The following IGF1R variants were observed in gnomAD, a reference collection of about 807,000 sequenced individuals.
IGF1R encodes insulin like growth factor 1 receptor, also known as insulin-like growth factor 1 receptor.
IGF1R carries 44 observed loss-of-function variants against 144.6 expected under a neutral mutation model. The ratio of observed to expected loss-of-function variants is 0.30; its 90% CI spans 0.24 to 0.39. IGF1R has a LOEUF of 0.39. IGF1R is among the 10% of genes least tolerant of loss of function. The pLI is 1.00. For missense variants in IGF1R, 1,355 were observed against 1,833.7 expected (o/e 0.74, Z 4.77); for synonymous variants, 795 against 722.8 (o/e 1.10, Z -1.60).
chr15:98,768,310 AT>A (rs754640774), intron 2 of IGF1R, among the ~76,000 whole-genome samples: 61 of 152,144 alleles, frequency 4.0e-4, no homozygotes, highest in Non-Finnish European at 6.2e-4. Context: ...GAGGTATCAA[AT>A]TTTAAAGTAA....
chr15:98,691,463 A>G (rs2053475910), intron 1 of IGF1R, among the ~76,000 whole-genome samples: 1 of 151,338 alleles, frequency 6.6e-6, no homozygotes, highest in Non-Finnish European at 1.5e-5. Flanking sequence ...TCCCAGGTTC[A>G]AGCAATTCTC....
chr15:98,800,245 C>T (rs1172906932), intron 2 of IGF1R, among the ~76,000 whole-genome samples: 11 of 151,610 alleles, frequency 7.3e-5, no homozygotes, highest in African/African-American at 2.2e-4. Context: ...GGAGACAGTG[C>T]TTCATCCTGC....
rs942703809 is a variant in IGF1R at position 98,655,232 on chromosome 15, T to C, written c.94+5557T>C. On this transcript the variant is annotated intron_variant, in intron 1 of 20. Transcript: ENST00000650285. ...GATTGTTATCTCAAGAGAAGCATAC[T>C]TCCTCGGCATGATGTTTTCTTTTGT... is the stretch of plus-strand genomic sequence containing the variant. Among the ~76,000 whole-genome samples the C allele has an allele frequency of 4.1e-4, 63 of 152,214 alleles. 1 individual carries two copies. Among genetic ancestry groups the C allele is most frequent in the Admixed American group, 2.0e-4 (3 of 15,286 alleles).
At chr15:98,936,644 C>T (rs911517268) in intron 17 of IGF1R, among the ~76,000 whole-genome samples, 3 of 149,786 alleles carry the variant, frequency 2.0e-5, no homozygotes, top group East Asian at 3.9e-4. Flanking sequence ...TTCTTTGAAT[C>T]GGCAACTTAA....
chr15:98,701,627 C>T (rs946803744), intron 1 of IGF1R, among the ~76,000 whole-genome samples: 4 of 152,152 alleles, frequency 2.6e-5, no homozygotes, highest in Admixed American at 2.6e-4. Flanking sequence ...GCATGAGCCG[C>T]CGCACCCGGC....
intron 5 of IGF1R, among the ~76,000 whole-genome samples, chr15:98,905,467 G>A (rs2014687395): frequency 6.6e-6 from 1 of 151,704 alleles, no homozygotes; most frequent in African/African-American, 2.4e-5. Flanking sequence ...ACCAGCCAGG[G>A]CAACATAGTG....
At chr15:98,834,438 C>A (rs1567809) in intron 2 of IGF1R, among the ~76,000 whole-genome samples, 152,192 of 152,384 alleles carry the variant, frequency 1, 76,000 homozygotes, top group Middle Eastern at 1. Flanking sequence ...GTTATCTCAC[C>A]AAAGGGTCAG....
intron 2 of IGF1R, among the ~76,000 whole-genome samples, chr15:98,878,751 G>A (rs1352628287): frequency 3.3e-5 from 5 of 150,772 alleles, no homozygotes; most frequent in Middle Eastern, 3.5e-3. Context: ...CCAGCACCTT[G>A]GGAGGCCAAG....
chr15:98,789,491 C>T (rs1017399795), intron 2 of IGF1R, among the ~76,000 whole-genome samples: 3 of 152,170 alleles, frequency 2.0e-5, no homozygotes, highest in Non-Finnish European at 4.4e-5. Flanking sequence ...TCACCACCTC[C>T]CTGCCCCTGA....
intron 2 of IGF1R, among the ~76,000 whole-genome samples, chr15:98,874,676 G>T (rs144646792): frequency 3.4e-4 from 52 of 152,156 alleles, no homozygotes; most frequent in Non-Finnish European, 6.9e-4. Context: ...ACTGGATGTC[G>T]TGATCTTGAG....
intron 2 of IGF1R, among the ~76,000 whole-genome samples, chr15:98,807,602 C>T (rs1015715023): frequency 1.3e-5 from 2 of 152,200 alleles, no homozygotes; most frequent in Non-Finnish European, 2.9e-5. Context: ...TTTTGAGACT[C>T]ATGCCTCTGT....
chr15:98,821,448 T>A (rs549912087), intron 2 of IGF1R, among the ~76,000 whole-genome samples: 1 of 152,288 alleles, frequency 6.6e-6, no homozygotes, highest in South Asian at 2.1e-4. Context: ...GAATCATGAG[T>A]ACGTAGTCAC....
At position 98,741,235 on chromosome 15, in the gene IGF1R, C is replaced by CTGTTTTTTTTTTTTTTTTTTT. The variant is rs755082795; in HGVS notation, c.640+33129_640+33130insGTTTTTTTTTTTTTTTTTTTT. 2.8e-5 allele frequency among the ~76,000 whole-genome samples: 2 copies of CTGTTTTTTTTTTTTTTTTTTT among 70,330 alleles called. 1 individual carries two copies. The allele number at this position is 70,330 out of a possible 152,430, so 46.1% of individuals were successfully genotyped here. The stretch of plus-strand genomic sequence containing the variant: ...TATGGCTTTATATAGTTTTCCTGAG[C>CTGTTTTTTTTTTTTTTTTTTT]TTTTTTTTTTTTTTTTTTTTTTTTT... On this transcript the variant is annotated intron_variant, in intron 2 of 20. Transcript: ENST00000650285.
chr15:98,924,037 C>T, intron 12 of IGF1R, 25 bp downstream of exon 12: 2 of 1,608,646 alleles, frequency 1.2e-6, no homozygotes, highest in Non-Finnish European at 1.7e-6. Flanking sequence ...GTGGCCCGTG[C>T]CTGCATGTAC....
intron 2 of IGF1R, among the ~76,000 whole-genome samples, chr15:98,749,364 G>A (rs931767460): frequency 3.3e-5 from 5 of 152,174 alleles, no homozygotes; most frequent in Admixed American, 2.0e-4. Flanking sequence ...GACCCAAAGT[G>A]ATTTGGGTCA....
intron 1 of IGF1R, among the ~76,000 whole-genome samples, chr15:98,673,651 C>T (rs576969393): frequency 3.2e-4 from 48 of 152,222 alleles, no homozygotes; most frequent in Admixed American, 1.3e-3. Context: ...CAGTCACAGA[C>T]ACTGCTGGCC....
intron 2 of IGF1R, chr15:98,824,153 A>G (rs1041312877): frequency 3.3e-5 from 5 of 152,198 alleles, no homozygotes; most frequent in Non-Finnish European, 5.9e-5. Flanking sequence ...AGTGGAGAAT[A>G]TTGACAGGGC....
chr15:98,817,100 C>G (rs1392078117), intron 2 of IGF1R, among the ~76,000 whole-genome samples: 1 of 151,998 alleles, frequency 6.6e-6, no homozygotes, highest in Non-Finnish European at 1.5e-5. Context: ...GTCAGGAGTT[C>G]AAGAACAGCC....
At chr15:98,905,347 C>T (rs2014681603) in intron 5 of IGF1R, among the ~76,000 whole-genome samples, 1 of 151,990 alleles carries the variant, frequency 6.6e-6, no homozygotes, top group Admixed American at 6.6e-5. Context: ...TCATAGAGCA[C>T]ATGGAAGCTA....
Sources: allele counts gnomAD v4.1 joint callset (sites outside exome capture counted in the v4.1 genomes callset), GRCh38; gene constraint gnomAD v4.1.1; transcripts MANE v1.5; gene names NCBI Gene and HGNC (gene_info 2026-07-23, HGNC 2026-07-21).